COMMD1: variants seen among roughly 807,000 people sequenced by gnomAD.
The protein encoded by COMMD1 is copper metabolism domain containing 1, also known as COMM domain-containing protein 1.
In COMMD1, 10 loss-of-function variants were observed where a neutral mutation model predicts 17.2. That is an observed-to-expected ratio of 0.58 (90% CI 0.36 to 0.99). COMMD1 has a LOEUF of 0.99. Ranked by LOEUF, COMMD1 falls within the 50% of genes least tolerant of loss-of-function variation. The pLI, the probability that COMMD1 is intolerant of heterozygous loss-of-function variation, is 0.01. For synonymous variants in COMMD1, 97 were observed against 91.6 expected, an observed-to-expected ratio of 1.06 and a Z score of -0.34; for missense variants, 270 against 231.8, an observed-to-expected ratio of 1.17 and a Z score of -1.07.
chr2:62,034,988 C>A (rs1670001988), intron 2 of COMMD1, among the ~76,000 whole-genome samples: 3 of 152,188 alleles, frequency 2.0e-5, no homozygotes, highest in African/African-American at 7.2e-5. Context: ...GTAAGATAAT[C>A]ATTTCACATG....
upstream of COMMD1, among the ~76,000 whole-genome samples, chr2:61,904,160 G>A (rs950669000): frequency 3.9e-5 from 6 of 151,934 alleles, no homozygotes; most frequent in South Asian, 2.1e-4. Context: ...ACAGGCGCCC[G>A]CCACTAGGCC....
chr2:62,052,621 C>T (rs1670567687), intron 2 of COMMD1, among the ~76,000 whole-genome samples: 2 of 152,222 alleles, frequency 1.3e-5, no homozygotes, highest in Admixed American at 1.3e-4. Context: ...TCTCTCTTCT[C>T]TTTTTGAATT....
intron 1 of COMMD1, among the ~76,000 whole-genome samples, chr2:61,973,803 G>T (rs1488676906): frequency 6.6e-6 from 1 of 152,120 alleles, no homozygotes; most frequent in African/African-American, 2.4e-5. Flanking sequence ...AGTGCCATTT[G>T]TATATGATAG....
chr2:62,059,953 A>G (rs1056575924), intron 2 of COMMD1, among the ~76,000 whole-genome samples: 1 of 151,892 alleles, frequency 6.6e-6, no homozygotes, highest in East Asian at 1.9e-4. Context: ...TGGGGGGGGA[A>G]TTCCATTTTA....
At chr2:62,135,141 C>T (rs986994165) in intron 2 of COMMD1, among the ~76,000 whole-genome samples, 3 of 152,132 alleles carry the variant, frequency 2.0e-5, no homozygotes, top group Non-Finnish European at 4.4e-5. Flanking sequence ...TCTGATTCTG[C>T]CTTTATATGG....
At chr2:61,935,160 G>C (rs1447798837) in intron 1 of COMMD1, among the ~76,000 whole-genome samples, 1 of 152,196 alleles carries the variant, frequency 6.6e-6, no homozygotes, top group Admixed American at 6.5e-5. Flanking sequence ...TCAGATTTTA[G>C]TTCCTAGTGA....
In COMMD1 at chr2:62,096,974, A is replaced by T. The variant is rs963031895; in HGVS notation, c.463-38857A>T. On this transcript the variant is annotated intron_variant, in intron 2 of 2. Transcript: ENST00000311832. ...AGGACTTTCTGAGTAGCCCTGGGGT[A>T]AGACTGTCCACATGTATTGGTGATT... is the stretch of plus-strand genomic sequence containing the variant. Among the ~76,000 whole-genome samples, 9 of 152,360 alleles carry T rather than the reference A, an allele frequency of 5.9e-5. No homozygotes were observed. In the East Asian group the frequency reaches 1.7e-3, roughly 29 times the overall value.
chr2:62,090,946 G>A (rs895730185), intron 2 of COMMD1: 1 of 152,172 alleles, frequency 6.6e-6, no homozygotes, highest in Non-Finnish European at 1.5e-5. Flanking sequence ...TTTAACTTCG[G>A]TGCCTGTGCT....
chr2:62,062,624 C>G (rs1014169073), intron 2 of COMMD1, among the ~76,000 whole-genome samples: 1 of 151,920 alleles, frequency 6.6e-6, no homozygotes, highest in African/African-American at 2.4e-5. Flanking sequence ...AGTAAAAACC[C>G]TGAGACGAGT....
At chr2:61,990,869 T>G (rs1672227445) in intron 1 of COMMD1, among the ~76,000 whole-genome samples, 1 of 128,818 alleles carries the variant, frequency 7.8e-6, no homozygotes, top group African/African-American at 3.3e-5. Context: ...CATATCACTC[T>G]GTCTTTACAA....
chr2:61,995,426 G>T (rs1188535649), intron 1 of COMMD1, among the ~76,000 whole-genome samples: 1 of 152,112 alleles, frequency 6.6e-6, no homozygotes. Context: ...GAGCTAGTTG[G>T]CCTTCTAAGT....
chr2:62,015,043 C>G, intron 2 of COMMD1, among the ~76,000 whole-genome samples: 1 of 152,160 alleles, frequency 6.6e-6, no homozygotes. Flanking sequence ...CCTGCCTCCA[C>G]CTCCCAAAGC....
chr2:62,134,521 T>A (rs1007282406), intron 2 of COMMD1, among the ~76,000 whole-genome samples: 1 of 151,882 alleles, frequency 6.6e-6, no homozygotes, highest in South Asian at 2.1e-4. Context: ...ATTTGTCTAG[T>A]GTGCATGAAA....
chr2:61,951,367 C>T lies in COMMD1; in HGVS notation c.180+45509C>T, dbSNP rs185507351. 4.8e-4 allele frequency among the ~76,000 whole-genome samples: 73 copies of T among 151,088 alleles called. 1 individual carries two copies. Among genetic ancestry groups the T allele is most frequent in the Middle Eastern group, 6.8e-3 (2 of 294 alleles). On this transcript the variant is annotated intron_variant, in intron 1 of 2. Transcript: ENST00000311832. Reference sequence around the variant, plus strand: ...CCTAGCTACTTGGGAGGCTGAGGTACGAGAATCACTTGAACCTGGGAGATA... The same window carrying T: ...CCTAGCTACTTGGGAGGCTGAGGTATGAGAATCACTTGAACCTGGGAGATA...
At chr2:61,996,195 CA>C (rs528886838) in intron 1 of COMMD1, among the ~76,000 whole-genome samples, 1 of 151,674 alleles carries the variant, frequency 6.6e-6, no homozygotes, top group Non-Finnish European at 1.5e-5. Context: ...CCCCATCTCC[CA>C]AAAAAAACCT....
At chr2:61,978,959 G>A (rs1671879215) in intron 1 of COMMD1, among the ~76,000 whole-genome samples, 1 of 152,150 alleles carries the variant, frequency 6.6e-6, no homozygotes, top group South Asian at 2.1e-4. Context: ...CTTTGTGTTA[G>A]AAACAATCAA....
intron 2 of COMMD1, among the ~76,000 whole-genome samples, chr2:62,011,707 G>T (rs1357331375): frequency 2.0e-5 from 3 of 152,110 alleles, no homozygotes; most frequent in Non-Finnish European, 4.4e-5. Flanking sequence ...AAAGAAAGTT[G>T]TTAATAATTA....
intron 2 of COMMD1, among the ~76,000 whole-genome samples, chr2:62,082,423 G>A (rs1671549125): frequency 6.6e-6 from 1 of 152,154 alleles, no homozygotes. Context: ...CTGGAGCCAG[G>A]TTGTCCCCCA....
At chr2:62,118,093 T>C (rs1241343642) in intron 2 of COMMD1, 5 of 152,204 alleles carry the variant, frequency 3.3e-5, no homozygotes, top group Admixed American at 2.6e-4. Context: ...CCTCCCTAAC[T>C]TAGATTAGAA....
Sources: gnomAD v4.1 joint callset for allele counts (sites outside exome capture counted in the v4.1 genomes callset) on GRCh38, gnomAD v4.1.1 for gene constraint, MANE v1.5 for transcripts, NCBI Gene and HGNC (gene_info 2026-07-23, HGNC 2026-07-21) for gene names.